Variants in WNT9A observed in about 807,000 individuals in gnomAD.
The protein encoded by WNT9A is protein Wnt-9a.
Under a neutral mutation model 31.4 loss-of-function variants are expected in WNT9A, and 8 were observed. The ratio of observed to expected loss-of-function variants is 0.26; its 90% confidence interval spans 0.15 to 0.46. The LOEUF (loss-of-function observed/expected upper bound fraction) is 0.46, where lower values mean the gene tolerates loss of function less well. Ranked by LOEUF, WNT9A falls within the 20% of genes least tolerant of loss-of-function variation. WNT9A has a pLI of 0.99. For synonymous variants in WNT9A, 236 were observed against 220.1 expected (o/e 1.07, Z -0.64); for missense variants, 457 against 522.9 (o/e 0.87, Z 1.23).
At chr1:227,945,566 C>T (rs909055955) in intron 1 of WNT9A, among the ~76,000 whole-genome samples, 1 of 152,178 alleles carries the variant, frequency 6.6e-6, no homozygotes, top group Non-Finnish European at 1.5e-5. Flanking sequence ...GAGCCGTGTT[C>T]CTGCCTGGGA....
chr1:227,921,334 C>A lies in WNT9A; in HGVS notation c.*184G>T, dbSNP rs553077813. 2.2e-6 allele frequency: 2 copies of A among 929,396 alleles called. No homozygotes were observed. Among genetic ancestry groups the A allele is most frequent in the South Asian group, 1.8e-5 (1 of 56,000 alleles). 57.6% of individuals were successfully genotyped at this position (929,396 alleles called of 1,614,324 possible). The stretch of plus-strand genomic sequence containing the variant: ...ACTGAGCCCAGGGACTCACCCCACG[C>A]TGCTAGGTCTGAGCCCAGGGACTCA... On this transcript the variant is annotated 3_prime_UTR_variant, in exon 4 of 4. Transcript: ENST00000272164.
intron 3 of WNT9A, among the ~76,000 whole-genome samples, chr1:227,923,510 A>G (rs1253144171): frequency 1.3e-5 from 2 of 152,254 alleles, no homozygotes; most frequent in East Asian, 3.9e-4. Context: ...CGGGTCAGCC[A>G]CCCCAACAGC....
intron 1 of WNT9A, among the ~76,000 whole-genome samples, chr1:227,937,321 T>C (rs1172813493): frequency 5.3e-5 from 8 of 152,206 alleles, no homozygotes; most frequent in Admixed American, 5.2e-4. Context: ...TGTGCAGGCC[T>C]GGTTAGCTCT....
Position 227,925,676 on chromosome 1 carries a change from G to A in WNT9A, c.96-157C>T, listed in dbSNP as rs530066425. On this transcript the variant is annotated intron_variant, in intron 1 of 3. Transcript: ENST00000272164. The surrounding 1 kb of genome is among the most constrained non-coding windows in gnomAD (Gnocchi z 6.0). The stretch of plus-strand genomic sequence containing the variant: ...TGAGCCAGGCAGGGGAGAGGGAGGC[G>A]AGAAGGGCCTTGGCCCCCTGCACAC... 6.6e-6 allele frequency among the ~76,000 whole-genome samples: 1 copy of A among 152,270 alleles called. No individual in the cohort carries two copies. The highest frequency in any genetic ancestry group is 2.1e-4 in the South Asian group (1 of 4,826).
At chr1:227,947,376 A>C (rs1666811631) in intron 1 of WNT9A, among the ~76,000 whole-genome samples, 1 of 152,054 alleles carries the variant, frequency 6.6e-6, no homozygotes, top group East Asian at 1.9e-4. Context: ...TGTTATTGTT[A>C]AATTAACTTC....
chr1:227,940,971 T>C (rs925961101), intron 1 of WNT9A, among the ~76,000 whole-genome samples: 1 of 152,220 alleles, frequency 6.6e-6, no homozygotes, highest in Non-Finnish European at 1.5e-5. Context: ...ACGGATGTGC[T>C]TGAATATGAC....
rs945701 is a variant in WNT9A, at chr1:227,925,075, A to C, written c.352+188T>G. On this transcript the variant is annotated intron_variant, in intron 2 of 3. Coordinates refer to ENST00000272164, the MANE Select transcript of WNT9A (RefSeq NM_003395.4). This position sits in a 1 kb window ranked among gnomAD's most constrained non-coding sequence, Gnocchi z 6.0. ...AACGACTGTGCGTGTGCCTAAAGCA[A>C]GGCAGGGCAGGCAGCACTCAGGGAG... Among the ~76,000 whole-genome samples, 18 of 152,180 alleles carry C rather than the reference A, an allele frequency of 1.2e-4. No individual in the cohort carries two copies. The highest frequency in any genetic ancestry group is 2.5e-4 in the Non-Finnish European group (17 of 68,020).
At position 227,921,398 on chromosome 1, in the gene WNT9A, G is replaced by T; in HGVS notation, c.*120C>A. 6.8e-7 allele frequency: 1 copy of T among 1,468,196 alleles called. No homozygotes were observed. The highest frequency in any genetic ancestry group is 9.2e-7 in the Non-Finnish European group (1 of 1,092,306). The allele number at this position is 1,468,196 out of a possible 1,614,324, so 90.9% of individuals were successfully genotyped here. A position where few individuals can be genotyped will look rare whatever the true frequency, so the allele number is the denominator to read the frequency against. The stretch of plus-strand genomic sequence containing the variant: ...TAGACCCATTCACACTGTGTGCAAT[G>T]CCTGTACCCCACGCAGCTGGGCTGG... On this transcript the variant is annotated 3_prime_UTR_variant, in exon 4 of 4. Coordinates refer to ENST00000272164, the MANE Select transcript of WNT9A (RefSeq NM_003395.4).
chr1:227,941,947 C>T (rs1287433111), intron 1 of WNT9A, among the ~76,000 whole-genome samples: 1 of 152,132 alleles, frequency 6.6e-6, no homozygotes, highest in East Asian at 1.9e-4. Context: ...CACCCTCCCA[C>T]AGGCATCACC....
intron 1 of WNT9A, among the ~76,000 whole-genome samples, chr1:227,943,095 TGGACCC>T (rs1666734574): frequency 6.6e-6 from 1 of 152,188 alleles, no homozygotes; most frequent in African/African-American, 2.4e-5. Context: ...GCCTCCCTCT[TGGACCC>T]TGCGGGGTCT....
At chr1:227,929,491 G>C (rs1453810983) in intron 1 of WNT9A, among the ~76,000 whole-genome samples, 1 of 152,220 alleles carries the variant, frequency 6.6e-6, no homozygotes, top group Non-Finnish European at 1.5e-5. Context: ...GTAGCATTAG[G>C]AGGTGGGGCC....
chr1:227,922,193 G>C (rs1417830870), intron 3 of WNT9A, among the ~76,000 whole-genome samples, 193 bp from the exon 4 acceptor site: 1 of 152,192 alleles, frequency 6.6e-6, no homozygotes, highest in Non-Finnish European at 1.5e-5. Flanking sequence ...CCTCCTCCAG[G>C]CTGCCGACTG....
chr1:227,939,574 C>G (rs896679873), intron 1 of WNT9A, among the ~76,000 whole-genome samples: 3 of 152,172 alleles, frequency 2.0e-5, no homozygotes, highest in Non-Finnish European at 4.4e-5. Context: ...CCTAAAGCCA[C>G]AGGCTCCTTC....
intron 1 of WNT9A, among the ~76,000 whole-genome samples, chr1:227,936,895 T>C (rs902896485): frequency 6.6e-6 from 1 of 152,122 alleles, no homozygotes; most frequent in African/African-American, 2.4e-5. Context: ...TTATTCAATT[T>C]CGGAAAACTC....
intron 1 of WNT9A, among the ~76,000 whole-genome samples, chr1:227,934,143 T>G (rs1209470260): frequency 1.3e-5 from 2 of 152,204 alleles, no homozygotes; most frequent in Admixed American, 1.3e-4. Context: ...CCTGCTGCCA[T>G]TATGAACATT....
chr1:227,924,062 T>TGCCCCCCCCC, intron 3 of WNT9A, 76 bp downstream of exon 3: 7 of 234,960 alleles, frequency 3.0e-5, no homozygotes, highest in Non-Finnish European at 3.2e-5. Context: ...CCGCCCCCAG[T>TGCCCCCCCCC]CCCACGCCCC....
chr1:227,926,061 G>C lies in WNT9A; in HGVS notation c.96-542C>G, dbSNP rs76397747. Among the ~76,000 whole-genome samples the C allele has an allele frequency of 1.4e-3, 220 of 152,168 alleles. 4 individuals are homozygous for C. In the East Asian group the frequency reaches 0.033, roughly 23 times the overall value. ...GCTTCCCAGCACTCCTGCAGTCTAC[G>C]CATATGTCCCCAGGTTCCAGCTGGG... On this transcript the variant is annotated intron_variant, in intron 1 of 3. Transcript: ENST00000272164. This position sits in a 1 kb window ranked among gnomAD's most constrained non-coding sequence, Gnocchi z 5.0.
intron 1 of WNT9A, among the ~76,000 whole-genome samples, chr1:227,944,936 A>C (rs1666770968): frequency 6.6e-6 from 1 of 152,250 alleles, no homozygotes; most frequent in Non-Finnish European, 1.5e-5. Context: ...AAGGGCTGCA[A>C]GGTGCCAGGG....
chr1:227,928,088 T>G lies in WNT9A; in HGVS notation c.96-2569A>C, dbSNP rs1666450082. ...GCCCTCTCCCTGTGACCCACCGCCT[T>G]GCCCACACTGGTCAGTGTGAGGCCC... On this transcript the variant is annotated intron_variant, in intron 1 of 3. Transcript: ENST00000272164. The surrounding 1 kb of genome is among the most constrained non-coding windows in gnomAD (Gnocchi z 4.5). Among the ~76,000 whole-genome samples the G allele has an allele frequency of 1.3e-5, 2 of 152,046 alleles. No homozygotes were observed. Among genetic ancestry groups the G allele is most frequent in the Non-Finnish European group, 2.9e-5 (2 of 67,984 alleles).
Sources: allele counts gnomAD v4.1 joint callset (sites outside exome capture counted in the v4.1 genomes callset), GRCh38; gene constraint gnomAD v4.1.1; non-coding constraint Gnocchi (gnomAD v3.1); transcripts MANE v1.5; gene names NCBI Gene and HGNC (gene_info 2026-07-23, HGNC 2026-07-21).